Variants in USP48 observed in about 807,000 individuals in gnomAD.
The protein encoded by USP48 is ubiquitin specific peptidase 48.
A neutral mutation model predicts 150.7 loss-of-function variants in USP48; 43 were observed. The ratio of observed to expected loss-of-function variants is 0.29; its 90% CI spans 0.22 to 0.37. The LOEUF is 0.37. Among genes scored for constraint, USP48 ranks in the 10% least tolerant of loss-of-function variants. USP48 has a pLI of 1.00. For synonymous variants in USP48, 396 were observed against 425.9 expected (o/e 0.93, Z 0.86); for missense variants, 813 against 1,249.6 (o/e 0.65, Z 5.27).
intron 15 of USP48, among the ~76,000 whole-genome samples, chr1:21,710,860 T>C (rs2097688345): frequency 6.6e-6 from 1 of 151,782 alleles, no homozygotes; most frequent in African/African-American, 2.4e-5. Context: ...CAGGCTGGAG[T>C]GCAGTGGCGT....
chr1:21,705,599 C>T, intron 19 of USP48, 128 bp downstream of exon 19: 3 of 654,588 alleles, frequency 4.6e-6, no homozygotes, highest in South Asian at 2.9e-5. Context: ...AAAAAAAACC[C>T]CACAATTCAG....
At chr1:21,682,237 T>C (rs1318160652) in intron 25 of USP48, among the ~76,000 whole-genome samples, 2 of 152,186 alleles carry the variant, frequency 1.3e-5, no homozygotes, top group East Asian at 1.9e-4. Context: ...CCTCAGGATC[T>C]TGCGGGCACT....
At chr1:21,773,852 T>G (rs1226338576) in intron 1 of USP48, among the ~76,000 whole-genome samples, 1 of 148,382 alleles carries the variant, frequency 6.7e-6, no homozygotes, top group Non-Finnish European at 1.5e-5. Flanking sequence ...TAAATTATAA[T>G]GAAGGTTAGG....
chr1:21,688,860 A>AAG (rs1553519289), intron 24 of USP48, among the ~76,000 whole-genome samples: 9 of 150,818 alleles, frequency 6.0e-5, no homozygotes, highest in African/African-American at 2.2e-4. Context: ...AAAAAAAAAA[A>AAG]AAGAAGAAGC....
At position 21,680,760 on chromosome 1, in the gene USP48, C is replaced by T. The variant is rs375151741; in HGVS notation, c.3085+48G>A. 5 of 1,536,268 alleles carry T rather than the reference C, an allele frequency of 3.3e-6. No individual in the cohort carries two copies. In the African/African-American group the frequency reaches 7.2e-5, roughly 22 times the overall value. ...TAGCCTTCGCTTTAACAGAAAATTACAGGATGACTCTGACATTCATGAACA... is the reference window on the plus strand; with the variant it reads ...TAGCCTTCGCTTTAACAGAAAATTATAGGATGACTCTGACATTCATGAACA... On this transcript the variant is annotated intron_variant, in intron 26 of 26. Transcript: ENST00000308271.
intron 12 of USP48, among the ~76,000 whole-genome samples, chr1:21,722,954 G>C (rs2097725680): frequency 6.6e-6 from 1 of 152,188 alleles, no homozygotes; most frequent in South Asian, 2.1e-4. Context: ...TATACCATTA[G>C]AAAACAGCAC....
intron 24 of USP48, among the ~76,000 whole-genome samples, chr1:21,688,570 C>T (rs918464074): frequency 6.6e-6 from 1 of 151,432 alleles, no homozygotes; most frequent in Non-Finnish European, 1.5e-5. Context: ...AGGCCTGGCG[C>T]AGTGGCTCAC....
chr1:21,715,520 C>A, intron 14 of USP48, 63 bp from the exon 15 acceptor site: 1 of 1,046,024 alleles, frequency 9.6e-7, no homozygotes. Flanking sequence ...TTGAAAGTAG[C>A]AGATATACTA....
chr1:21,723,320 G>C (rs1312661734), intron 12 of USP48, among the ~76,000 whole-genome samples: 2 of 151,818 alleles, frequency 1.3e-5, no homozygotes, highest in African/African-American at 4.8e-5. Context: ...AGGAGTTTGA[G>C]ACCAGCCTGG....
intron 1 of USP48, 35 bp downstream of exon 1, chr1:21,782,789 C>G (rs748114060): frequency 2.0e-6 from 3 of 1,502,472 alleles, no homozygotes; most frequent in Non-Finnish European, 2.7e-6. Flanking sequence ...AGGTCCGGCG[C>G]GAGGAGCCCG....
chr1:21,756,317 C>A (rs1256646229), intron 3 of USP48, among the ~76,000 whole-genome samples: 7 of 150,726 alleles, frequency 4.6e-5, no homozygotes, highest in Non-Finnish European at 8.8e-5. Flanking sequence ...GCTGTCTCTA[C>A]TAAAAATACA....
intron 6 of USP48, among the ~76,000 whole-genome samples, chr1:21,748,499 T>C (rs1482230473): frequency 6.6e-6 from 1 of 152,230 alleles, no homozygotes; most frequent in Non-Finnish European, 1.5e-5. Context: ...ATTTCCCAAA[T>C]GTATGATATT....
At position 21,756,526 on chromosome 1, in the gene USP48, C is replaced by A; in HGVS notation, c.412+20G>T. On this transcript the variant is annotated intron_variant, in intron 3 of 26. Transcript: ENST00000308271. ...AAAAATGTTCAGGAAGAGAGCTCTC[C>A]CCCACCCCTTTCCACCCACCTTTTT... 6.4e-7 allele frequency: 1 copy of A among 1,571,268 alleles called. No homozygotes were observed. Among genetic ancestry groups the A allele is most frequent in the South Asian group, 1.2e-5 (1 of 83,852 alleles).
intron 9 of USP48, among the ~76,000 whole-genome samples, chr1:21,731,664 T>C (rs1247324208): frequency 6.6e-6 from 1 of 151,706 alleles, no homozygotes; most frequent in Non-Finnish European, 1.5e-5. Context: ...GTAGATCACC[T>C]GAGGTCAGGA....
At chr1:21,774,768 G>C (rs570256224) in intron 1 of USP48, among the ~76,000 whole-genome samples, 2 of 151,984 alleles carry the variant, frequency 1.3e-5, no homozygotes, top group South Asian at 2.1e-4. Context: ...GAGGTGGGCA[G>C]ATCACCTGAA....
At chr1:21,707,619 T>C (rs2097676551) in intron 15 of USP48, among the ~76,000 whole-genome samples, 1 of 152,226 alleles carries the variant, frequency 6.6e-6, no homozygotes, top group African/African-American at 2.4e-5. Flanking sequence ...TTGTTTCAGC[T>C]GTTCCCAAGC....
intron 21 of USP48, 37 bp downstream of exon 21, chr1:21,703,462 AAAGAGCACGCTTG>A: frequency 6.8e-7 from 1 of 1,462,978 alleles, no homozygotes; most frequent in East Asian, 2.3e-5. Context: ...AAATCAAGCC[AAAGAGCACGCTTG>A]ATCATTACTA....
At chr1:21,759,157 G>A (rs1224563995) in intron 1 of USP48, among the ~76,000 whole-genome samples, 1 of 134,724 alleles carries the variant, frequency 7.4e-6, no homozygotes. Flanking sequence ...ACTCCAGCCT[G>A]GGCAACAGAG....
chr1:21,679,213 T>A lies in USP48; in HGVS notation c.*204A>T. 25 of 317,896 alleles carry A rather than the reference T, an allele frequency of 7.9e-5. No homozygotes were observed. The highest frequency in any genetic ancestry group is 1.1e-4 in the Non-Finnish European group (19 of 165,904). The allele number at this position is 317,896 out of a possible 1,614,324, so 19.7% of individuals were successfully genotyped here. ...CCCCTTAAATATAAAATTGGAAACA[T>A]TTCCTTCAAGTCTGATGTCCATCAG... On this transcript the variant is annotated 3_prime_UTR_variant, in exon 27 of 27. Coordinates refer to ENST00000308271, the MANE Select transcript of USP48 (RefSeq NM_032236.8).
Sources: allele counts gnomAD v4.1 joint callset (sites outside exome capture counted in the v4.1 genomes callset), GRCh38; gene constraint gnomAD v4.1.1; transcripts MANE v1.5; gene names NCBI Gene and HGNC (gene_info 2026-07-23, HGNC 2026-07-21).